MTUS2: variants seen among roughly 807,000 people sequenced by gnomAD.
MTUS2 encodes the protein microtubule associated scaffold protein 2.
Under a neutral mutation model 114.1 loss-of-function variants are expected in MTUS2, and 40 were observed. The observed-to-expected ratio is 0.35, with a 90% confidence interval of 0.27 to 0.46. The LOEUF is 0.46. Among genes scored for constraint, MTUS2 ranks in the 20% least tolerant of loss-of-function variants. The probability of loss-of-function intolerance (pLI) is 1.00; values close to 1 mark genes in which losing one functional copy is unlikely to be tolerated. For synonymous variants in MTUS2, 688 were observed against 672.0 expected (o/e 1.02, Z -0.37); for missense variants, 1,679 against 1,705.4 (o/e 0.98, Z 0.27).
chr13:29,482,198 G>C (rs1034186648), intron 10 of MTUS2: 2 of 152,226 alleles, frequency 1.3e-5, no homozygotes, highest in Admixed American at 1.3e-4. Context: ...CCGCAGGCAG[G>C]AGACCCTGAA....
At chr13:29,172,800 G>T (rs1566046448) in intron 5 of MTUS2, among the ~76,000 whole-genome samples, 1 of 152,190 alleles carries the variant, frequency 6.6e-6, no homozygotes, top group Non-Finnish European at 1.5e-5. Flanking sequence ...GTGAAGGTGT[G>T]ATCATGCAGT....
At chr13:28,950,694 C>T (rs1422293491) in intron 2 of MTUS2, among the ~76,000 whole-genome samples, 1 of 152,168 alleles carries the variant, frequency 6.6e-6, no homozygotes, top group Non-Finnish European at 1.5e-5. Flanking sequence ...AGTTTGCCAT[C>T]TTATATGGGC....
chr13:29,010,189 C>G (rs1179047831), intron 2 of MTUS2, among the ~76,000 whole-genome samples: 1 of 141,790 alleles, frequency 7.1e-6, no homozygotes, highest in Non-Finnish European at 1.5e-5. Context: ...CCAGCCTGGG[C>G]GACAGAGCAA....
intron 4 of MTUS2, among the ~76,000 whole-genome samples, chr13:29,076,648 A>G (rs1337799871): frequency 6.6e-6 from 1 of 152,156 alleles, no homozygotes; most frequent in Non-Finnish European, 1.5e-5. Flanking sequence ...AAATGTCCTC[A>G]TGGCATAGCT....
At chr13:29,352,492 A>T (rs3935205) in intron 7 of MTUS2, among the ~76,000 whole-genome samples, 28,482 of 152,128 alleles carry the variant, frequency 0.19, 2,794 homozygotes, top group Middle Eastern at 0.23. Flanking sequence ...ATAATTCACA[A>T]ACCATAAAAT....
chr13:29,150,712 T>A (rs9506116), intron 5 of MTUS2, among the ~76,000 whole-genome samples: 59,567 of 152,076 alleles, frequency 0.39, 13,720 homozygotes, highest in Non-Finnish European at 0.48. Context: ...GTTAATGTTT[T>A]TATATACTGA....
chr13:29,207,836 T>A (rs1316115846), intron 5 of MTUS2, among the ~76,000 whole-genome samples: 2 of 152,172 alleles, frequency 1.3e-5, no homozygotes, highest in South Asian at 4.1e-4. Flanking sequence ...AGTATTTTGT[T>A]GAGGATTTTT....
At position 29,223,560 on chromosome 13, in the gene MTUS2, T is replaced by C. The variant is rs149641024; in HGVS notation, c.2645-58144T>C. Among the ~76,000 whole-genome samples, 242 of 152,328 alleles carry C rather than the reference T, an allele frequency of 1.6e-3. 1 individual carries two copies. Among genetic ancestry groups the C allele is most frequent in the African/African-American group, 5.6e-3 (232 of 41,584 alleles). On this transcript the variant is annotated intron_variant, in intron 5 of 15. Coordinates refer to ENST00000612955, the MANE Select transcript of MTUS2 (RefSeq NM_001033602.4). ...GAGTAGCTACCCACTGCAAGTCTCC[T>C]CTGAGATGTTCTGACACTCAATAAA...
chr13:29,340,130 C>T (rs1158332891), intron 7 of MTUS2, among the ~76,000 whole-genome samples: 1 of 152,198 alleles, frequency 6.6e-6, no homozygotes, highest in South Asian at 2.1e-4. Context: ...CGGTGCCTCG[C>T]GGAATTCGGG....
intron 5 of MTUS2, among the ~76,000 whole-genome samples, chr13:29,156,966 T>G (rs555274223): frequency 6.6e-6 from 1 of 152,162 alleles, no homozygotes; most frequent in Non-Finnish European, 1.5e-5. Context: ...AGTATTGTCT[T>G]TAGAGTCTTT....
At chr13:29,439,873 AG>A in intron 8 of MTUS2, 109 bp from the exon 9 acceptor site, 1 of 868,156 alleles carries the variant, frequency 1.2e-6, no homozygotes, top group Non-Finnish European at 1.9e-6. Context: ...TATCTCCTTA[AG>A]GACTAGACTT....
intron 8 of MTUS2, among the ~76,000 whole-genome samples, chr13:29,397,108 A>G (rs1039792122): frequency 6.6e-6 from 1 of 152,142 alleles, no homozygotes. Context: ...TGTAGGTTTC[A>G]CTAGGTTGAC....
chr13:29,097,934 A>G (rs899562903), intron 4 of MTUS2, among the ~76,000 whole-genome samples: 1 of 152,192 alleles, frequency 6.6e-6, no homozygotes, highest in Non-Finnish European at 1.5e-5. Flanking sequence ...AGTACTATAT[A>G]TTTTTATAAA....
intron 2 of MTUS2, among the ~76,000 whole-genome samples, chr13:28,935,804 A>C (rs966934436): frequency 6.6e-6 from 1 of 151,892 alleles, no homozygotes; most frequent in African/African-American, 2.4e-5. Flanking sequence ...GCCCGAGTGC[A>C]GTGGTGTGAT....
chr13:28,881,347 AC>A (rs1339051028), intron 2 of MTUS2, among the ~76,000 whole-genome samples: 1 of 151,922 alleles, frequency 6.6e-6, no homozygotes, highest in Admixed American at 6.6e-5. Flanking sequence ...TAATGTATGT[AC>A]CACATTTTTT....
intron 1 of MTUS2, among the ~76,000 whole-genome samples, chr13:28,834,196 T>C (rs1350873407): frequency 2.0e-5 from 3 of 152,066 alleles, no homozygotes; most frequent in African/African-American, 7.2e-5. Context: ...GATATGGAAA[T>C]GCAAGGGACC....
At chr13:29,399,741 T>C (rs1436583291) in intron 8 of MTUS2, among the ~76,000 whole-genome samples, 10 of 152,140 alleles carry the variant, frequency 6.6e-5, no homozygotes, top group Admixed American at 4.6e-4. Context: ...GGAAGAGGCA[T>C]TATTAAAAAC....
At chr13:29,460,272 C>T (rs59895574) in intron 9 of MTUS2, among the ~76,000 whole-genome samples, 1 of 152,082 alleles carries the variant, frequency 6.6e-6, no homozygotes, top group East Asian at 1.9e-4. Context: ...AGTGCTGTGC[C>T]TCTCATGCAT....
At chr13:29,053,910 C>A (rs891687519) in intron 4 of MTUS2, among the ~76,000 whole-genome samples, 1 of 152,172 alleles carries the variant, frequency 6.6e-6, no homozygotes, top group Admixed American at 6.5e-5. Context: ...TATGGTTTCA[C>A]TTCTCTTGGA....
Sources: allele counts gnomAD v4.1 joint callset (sites outside exome capture counted in the v4.1 genomes callset), GRCh38; gene constraint gnomAD v4.1.1; transcripts MANE v1.5; gene names NCBI Gene and HGNC (gene_info 2026-07-23, HGNC 2026-07-21).